NALCN: variants seen among roughly 807,000 people sequenced by gnomAD.
NALCN encodes sodium leak channel NALCN.
Under a neutral mutation model 225.3 loss-of-function variants are expected in NALCN, and 111 were observed. The observed-to-expected ratio is 0.49, with a 90% CI of 0.42 to 0.58. NALCN has a LOEUF of 0.58. Ranked by LOEUF, NALCN falls within the 20% of genes least tolerant of loss-of-function variation. NALCN has a pLI of 0.00. For synonymous variants in NALCN, 764 were observed against 769.0 expected (o/e 0.99, Z 0.11); for missense variants, 1,378 against 2,202.4 (o/e 0.63, Z 7.49).
intron 14 of NALCN, among the ~76,000 whole-genome samples, chr13:101,183,067 G>A (rs2039305388): frequency 6.6e-6 from 1 of 152,210 alleles, no homozygotes. Flanking sequence ...TGGGTGACAA[G>A]CCCTCATTCT....
intron 1 of NALCN, among the ~76,000 whole-genome samples, chr13:101,404,809 A>G (rs1187120935): frequency 6.6e-6 from 1 of 152,220 alleles, no homozygotes; most frequent in East Asian, 1.9e-4. Flanking sequence ...GTAAGTAAAC[A>G]CTACCTTCAA....
chr13:101,310,399 T>G (rs534185413), intron 7 of NALCN, among the ~76,000 whole-genome samples: 1 of 152,232 alleles, frequency 6.6e-6, no homozygotes, highest in Admixed American at 6.5e-5. Context: ...TGGGGCATGC[T>G]TCCTTCTCAA....
chr13:101,355,951 T>A (rs1363370012), intron 6 of NALCN, among the ~76,000 whole-genome samples: 1 of 152,148 alleles, frequency 6.6e-6, no homozygotes, highest in Non-Finnish European at 1.5e-5. Flanking sequence ...GAATGACTCC[T>A]GAGTAAATAA....
intron 7 of NALCN, among the ~76,000 whole-genome samples, chr13:101,340,586 AC>A (rs2045528159): frequency 6.6e-6 from 1 of 152,154 alleles, no homozygotes; most frequent in African/African-American, 2.4e-5. Context: ...TCTATCACTT[AC>A]CCCATTTCCT....
At position 101,380,814 on chromosome 13, in the gene NALCN, G is replaced by C. The variant is rs557892852; in HGVS notation, c.292-2161C>G. On this transcript the variant is annotated intron_variant, in intron 3 of 43. Transcript: ENST00000251127. ...TATAAACTCAACTTAATGAACACTG[G>C]GTAAGTGCCTGTTTTACATTAGAGG... Among the ~76,000 whole-genome samples, 152 of 149,434 alleles carry C rather than the reference G, an allele frequency of 1.0e-3. 2 individuals carry two copies. Among genetic ancestry groups the C allele is most frequent in the African/African-American group, 3.1e-3 (126 of 40,600 alleles).
chr13:101,157,147 T>C (rs1189712122), intron 15 of NALCN, among the ~76,000 whole-genome samples: 1 of 152,202 alleles, frequency 6.6e-6, no homozygotes, highest in Non-Finnish European at 1.5e-5. Context: ...AGGCAGATGG[T>C]TCTATGGTTA....
At position 101,208,102 on chromosome 13, in the gene NALCN, C is replaced by CAACT. The variant is rs544288254; in HGVS notation, c.1627-16052_1627-16049dup. On this transcript the variant is annotated intron_variant, in intron 13 of 43. Coordinates refer to ENST00000251127, the MANE Select transcript of NALCN (RefSeq NM_052867.4). ...AACAACTCCCAACAGGAGGAACGAA[C>CAACT]AACTCCAGATGCGCCACCTTTATGA... Among the ~76,000 whole-genome samples, 157 of 152,182 alleles carry CAACT rather than the reference C, an allele frequency of 1.0e-3. 3 individuals carry two copies. The South Asian group carries it at 0.032, about 31-fold the overall frequency.
In NALCN at chr13:101,161,343, C is replaced by T. The variant is rs960587333; in HGVS notation, c.1839+14957G>A. ...ACATGCCCAAGGCTGAGTTGATGAA[C>T]GTTTCCCCCAAATACGGTTGTATGC... On this transcript the variant is annotated intron_variant, in intron 15 of 43. Coordinates refer to ENST00000251127, the MANE Select transcript of NALCN (RefSeq NM_052867.4). Among the ~76,000 whole-genome samples the T allele has an allele frequency of 1.3e-4, 20 of 152,324 alleles. 1 individual carries two copies. Among genetic ancestry groups the T allele is most frequent in the Admixed American group, 5.9e-4 (9 of 15,298 alleles).
chr13:101,213,052 T>C (rs368156718), intron 13 of NALCN, among the ~76,000 whole-genome samples: 2 of 151,870 alleles, frequency 1.3e-5, no homozygotes, highest in Admixed American at 1.3e-4. Flanking sequence ...AACTATACTA[T>C]AAGGCTACAG....
At chr13:101,352,712 G>GT (rs2045941277) in intron 6 of NALCN, among the ~76,000 whole-genome samples, 1 of 152,100 alleles carries the variant, frequency 6.6e-6, no homozygotes, top group South Asian at 2.1e-4. Context: ...GACAAAAAAG[G>GT]TCAAAAGATA....
intron 17 of NALCN, among the ~76,000 whole-genome samples, chr13:101,135,084 A>T (rs1321678297): frequency 6.6e-6 from 1 of 151,982 alleles, no homozygotes; most frequent in South Asian, 2.1e-4. Flanking sequence ...AGTCCCAGCT[A>T]CTCAGGAGGC....
chr13:101,377,679 G>A (rs1250740431), intron 4 of NALCN, among the ~76,000 whole-genome samples: 2 of 152,186 alleles, frequency 1.3e-5, no homozygotes, highest in East Asian at 1.9e-4. Context: ...GTGAAGTTTT[G>A]AATTCTGAAT....
At chr13:101,396,586 A>AT (rs1221453320) in intron 2 of NALCN, among the ~76,000 whole-genome samples, 1 of 152,066 alleles carries the variant, frequency 6.6e-6, no homozygotes, top group Non-Finnish European at 1.5e-5. Context: ...ACATGAAGAT[A>AT]TTTTGCTGCT....
chr13:101,188,777 C>T (rs1476282312), intron 14 of NALCN, among the ~76,000 whole-genome samples: 1 of 85,488 alleles, frequency 1.2e-5, no homozygotes. Flanking sequence ...CCCCACCTCC[C>T]AGATTCAAGT....
chr13:101,280,321 A>G (rs989584210), intron 10 of NALCN, among the ~76,000 whole-genome samples: 9 of 152,172 alleles, frequency 5.9e-5, no homozygotes, highest in Admixed American at 2.6e-4. Flanking sequence ...AAGATGTCAT[A>G]AGCATGCTGC....
At chr13:101,298,297 A>G (rs1206444024) in intron 7 of NALCN, among the ~76,000 whole-genome samples, 1 of 151,030 alleles carries the variant, frequency 6.6e-6, no homozygotes, top group Non-Finnish European at 1.5e-5. Flanking sequence ...TTTTATGTTT[A>G]CATATATACA....
chr13:101,166,473 T>C (rs1445698506), intron 15 of NALCN, among the ~76,000 whole-genome samples: 4 of 152,196 alleles, frequency 2.6e-5, no homozygotes, highest in Non-Finnish European at 5.9e-5. Flanking sequence ...TCTATTTGCA[T>C]TTCTCTAATG....
chr13:101,143,157 G>A lies in NALCN; in HGVS notation c.2041C>T (p.Leu681Phe). 1 of 1,614,088 alleles carries A rather than the reference G, an allele frequency of 6.2e-7. No individual in the cohort carries two copies. The highest frequency in any genetic ancestry group is 8.5e-7 in the Non-Finnish European group (1 of 1,180,018). ...QQDTCCLLRSLPTTSSSSCDH... is the reference protein window; with the variant it reads ...QQDTCCLLRSFPTTSSSSCDH... ...CAGGAGGAGGAAGAGGTGGTCGGGA[G>A]GCTTCTCAGGAGGCAACATGTGTCC... is the stretch of plus-strand genomic sequence containing the variant. The change falls in exon 17 of 44, where the codon CTC becomes TTC. Residue 681 changes from leucine to phenylalanine, a missense_variant. Physicochemically the swap from Leu to Phe is conservative, Grantham distance 22. This residue lies in a region of NALCN where 100 missense variants were observed against 89.4 expected (regional missense o/e 1.12). Coordinates refer to ENST00000251127, the MANE Select transcript of NALCN (RefSeq NM_052867.4).
intron 11 of NALCN, among the ~76,000 whole-genome samples, chr13:101,247,095 T>C (rs528401964): frequency 7.8e-4 from 119 of 152,264 alleles, no homozygotes; most frequent in African/African-American, 2.8e-3. Flanking sequence ...CTCAATTGCT[T>C]CCTATAGGGT....
Sources: gnomAD v4.1 joint callset for allele counts (sites outside exome capture counted in the v4.1 genomes callset) on GRCh38, gnomAD v4.1.1 for gene constraint, gnomAD v4.1.1 regional missense constraint, MANE v1.5 for transcripts, NCBI Gene and HGNC (gene_info 2026-07-23, HGNC 2026-07-21) for gene names.